The following EPHA6 variants were observed in gnomAD, a reference collection of about 807,000 sequenced individuals.
EPHA6 encodes the protein EPH receptor A6.
Under a neutral mutation model 112.0 loss-of-function variants are expected in EPHA6, and 50 were observed. The ratio of observed to expected loss-of-function variants is 0.45; its 90% CI spans 0.36 to 0.56. The LOEUF (loss-of-function observed/expected upper bound fraction) is 0.56, where lower values mean the gene tolerates loss of function less well. Among genes scored for constraint, EPHA6 ranks in the 20% least tolerant of loss-of-function variants. The pLI is 0.00. For missense variants in EPHA6, 1,280 were observed against 1,417.4 expected, an observed-to-expected ratio of 0.90 and a Z score of 1.56; for synonymous variants, 529 against 490.7, an observed-to-expected ratio of 1.08 and a Z score of -1.03.
chr3:97,124,090 AC>A (rs2048116139), intron 3 of EPHA6, among the ~76,000 whole-genome samples: 1 of 152,138 alleles, frequency 6.6e-6, no homozygotes, highest in Non-Finnish European at 1.5e-5. Context: ...ATTAATTGCT[AC>A]ATTTCTAATC....
chr3:97,255,853 AT>A (rs202027021), intron 5 of EPHA6, among the ~76,000 whole-genome samples: 7,785 of 152,226 alleles, frequency 0.051, 680 homozygotes, highest in African/African-American at 0.18. Context: ...CATGTAATTT[AT>A]CACTATTCTA....
chr3:97,146,247 C>T (rs1470758016), intron 3 of EPHA6, among the ~76,000 whole-genome samples: 1 of 151,754 alleles, frequency 6.6e-6, no homozygotes, highest in East Asian at 1.9e-4. Flanking sequence ...TTATTCTATC[C>T]TTCCTTGACA....
At chr3:97,609,792 T>C (rs2093704645) in intron 12 of EPHA6, among the ~76,000 whole-genome samples, 1 of 151,522 alleles carries the variant, frequency 6.6e-6, no homozygotes, top group Non-Finnish European at 1.5e-5. Flanking sequence ...TAGATCTCCT[T>C]TGTGTTTGTA....
intron 2 of EPHA6, among the ~76,000 whole-genome samples, chr3:96,910,706 T>C (rs1227958338): frequency 6.6e-6 from 1 of 152,064 alleles, no homozygotes; most frequent in African/African-American, 2.4e-5. Flanking sequence ...GAGCAAAGGA[T>C]TGAGTAGTAT....
chr3:97,277,179 CA>C (rs1428509810), intron 5 of EPHA6, among the ~76,000 whole-genome samples: 1 of 152,050 alleles, frequency 6.6e-6, no homozygotes, highest in East Asian at 1.9e-4. Flanking sequence ...GTGTGAGCAA[CA>C]AGGCTATTTA....
chr3:97,299,585 A>C (rs535972857), intron 5 of EPHA6, among the ~76,000 whole-genome samples: 6 of 152,264 alleles, frequency 3.9e-5, no homozygotes, highest in African/African-American at 1.2e-4. Context: ...TGTGTAAGGA[A>C]GTTTTAAGAA....
At chr3:96,987,061 G>A (rs374163698) in intron 2 of EPHA6, among the ~76,000 whole-genome samples, 30 of 152,206 alleles carry the variant, frequency 2.0e-4, no homozygotes, top group African/African-American at 6.7e-4. Context: ...ACTATTATCA[G>A]CTCCTTTACA....
chr3:97,010,965 A>T (rs915509714), intron 3 of EPHA6, among the ~76,000 whole-genome samples: 13 of 152,104 alleles, frequency 8.5e-5, no homozygotes, highest in Non-Finnish European at 1.5e-4. Flanking sequence ...AAATGTAGGG[A>T]TGTGTATGTG....
chr3:97,034,004 TC>T (rs2044983773), intron 3 of EPHA6, among the ~76,000 whole-genome samples: 1 of 151,892 alleles, frequency 6.6e-6, no homozygotes, highest in South Asian at 2.1e-4. Flanking sequence ...ACCTTAGTAG[TC>T]TGTTTAATTT....
Position 97,490,108 on chromosome 3 carries a change from TA to T in EPHA6, c.2200+6056del, listed in dbSNP as rs535034365. Among the ~76,000 whole-genome samples, 305 of 152,144 alleles carry T rather than the reference TA, an allele frequency of 2.0e-3. 3 individuals are homozygous for T. Among genetic ancestry groups the T allele is most frequent in the African/African-American group, 7.0e-3 (290 of 41,490 alleles). ...AATAAATAAAATTCTTAAACTAATT[TA>T]AAAAAATAATGAGTAAATAAATGAA... is the stretch of plus-strand genomic sequence containing the variant. On this transcript the variant is annotated intron_variant, in intron 10 of 17. Coordinates refer to ENST00000389672, the MANE Select transcript of EPHA6 (RefSeq NM_001080448.3).
At chr3:97,316,166 A>T (rs566827334) in intron 5 of EPHA6, among the ~76,000 whole-genome samples, 1 of 151,862 alleles carries the variant, frequency 6.6e-6, no homozygotes, top group Non-Finnish European at 1.5e-5. Flanking sequence ...TTCCCTCAAG[A>T]TATGGGAGAA....
intron 14 of EPHA6, among the ~76,000 whole-genome samples, chr3:97,674,386 T>C (rs112683546): frequency 1.3e-5 from 2 of 152,226 alleles, no homozygotes; most frequent in African/African-American, 2.4e-5. Context: ...ACATATATTC[T>C]TTAAAGAATA....
intron 10 of EPHA6, among the ~76,000 whole-genome samples, chr3:97,490,315 T>G (rs892711903): frequency 2.0e-5 from 3 of 152,170 alleles, no homozygotes; most frequent in Non-Finnish European, 2.9e-5. Context: ...TGCTTTATAT[T>G]AACAATTTAC....
intron 5 of EPHA6, among the ~76,000 whole-genome samples, chr3:97,275,545 A>G (rs928672905): frequency 7.9e-5 from 12 of 152,160 alleles, no homozygotes; most frequent in African/African-American, 2.7e-4. Flanking sequence ...CGGGGTGGAT[A>G]GGCAAAACAA....
At chr3:97,564,616 A>G (rs1220031743) in intron 11 of EPHA6, among the ~76,000 whole-genome samples, 6 of 152,212 alleles carry the variant, frequency 3.9e-5, no homozygotes, top group Non-Finnish European at 7.4e-5. Context: ...ATGACAGATC[A>G]TGACACAAAT....
intron 5 of EPHA6, among the ~76,000 whole-genome samples, chr3:97,383,998 G>T (rs2085905842): frequency 6.6e-6 from 1 of 152,076 alleles, no homozygotes; most frequent in Admixed American, 6.6e-5. Flanking sequence ...CACATATGAA[G>T]AAATAAATTG....
chr3:97,303,787 C>G (rs2081195278), intron 5 of EPHA6, among the ~76,000 whole-genome samples: 1 of 151,888 alleles, frequency 6.6e-6, no homozygotes, highest in African/African-American at 2.4e-5. Flanking sequence ...CACAGCTTTT[C>G]CCAGACAAAA....
chr3:96,928,474 G>T (rs908901937), intron 2 of EPHA6, among the ~76,000 whole-genome samples: 1 of 152,148 alleles, frequency 6.6e-6, no homozygotes, highest in South Asian at 2.1e-4. Context: ...TTACACTGTG[G>T]CCTGAGAGAC....
intron 2 of EPHA6, among the ~76,000 whole-genome samples, chr3:96,965,216 A>G (rs1425633518): frequency 6.6e-6 from 1 of 152,146 alleles, no homozygotes; most frequent in African/African-American, 2.4e-5. Flanking sequence ...TTGTCTGCCT[A>G]TTAAGCTAGG....
Sources: gnomAD v4.1 joint callset for allele counts (sites outside exome capture counted in the v4.1 genomes callset) on GRCh38, gnomAD v4.1.1 for gene constraint, MANE v1.5 for transcripts, NCBI Gene and HGNC (gene_info 2026-07-23, HGNC 2026-07-21) for gene names.